CELF2: variants seen among roughly 807,000 people sequenced by gnomAD.
The protein encoded by CELF2 is CUG triplet repeat RNA-binding protein 2.
In CELF2, 8 loss-of-function variants were observed where a neutral mutation model predicts 62.6. The observed-to-expected ratio is 0.13, with a 90% CI of 0.07 to 0.23. The LOEUF (loss-of-function observed/expected upper bound fraction) is 0.23, where lower values mean the gene tolerates loss of function less well. CELF2 is among the 10% of genes least tolerant of loss of function. The pLI is 1.00. For synonymous variants in CELF2, 258 were observed against 250.0 expected, an observed-to-expected ratio of 1.03 and a Z score of -0.30; for missense variants, 333 against 671.0, an observed-to-expected ratio of 0.50 and a Z score of 5.56.
chr10:11,290,719 T>C lies in CELF2; in HGVS notation c.976+2167T>C, dbSNP rs2092397838. Among the ~76,000 whole-genome samples, 1 of 152,182 alleles carries C rather than the reference T, an allele frequency of 6.6e-6. No individual in the cohort carries two copies. Among genetic ancestry groups the C allele is most frequent in the Non-Finnish European group, 1.5e-5 (1 of 68,036 alleles). Reference sequence around the variant, plus strand: ...ACCAGCGCAGCGTCCTTGCCTTGACTGCTCTGTAAGAGGCTTCTTGCCCTT... The same window carrying C: ...ACCAGCGCAGCGTCCTTGCCTTGACCGCTCTGTAAGAGGCTTCTTGCCCTT... On this transcript the variant is annotated intron_variant, in intron 9 of 12. Coordinates refer to ENST00000633077, the MANE Select transcript of CELF2 (RefSeq NM_001326342.2). This position sits in a 1 kb window ranked among gnomAD's most constrained non-coding sequence, Gnocchi z 4.3.
rs1401611693 is a variant in CELF2, at chr10:10,972,761, T to C, written c.89+52762T>C. 6.6e-6 allele frequency among the ~76,000 whole-genome samples: 1 copy of C among 152,076 alleles called. No homozygotes were observed. Among genetic ancestry groups the C allele is most frequent in the African/African-American group, 2.4e-5 (1 of 41,404 alleles). On this transcript the variant is annotated intron_variant, in intron 2 of 13. Transcript: ENST00000636488. The surrounding 1 kb of genome is among the most constrained non-coding windows in gnomAD (Gnocchi z 4.4). ...ACAAGGTCACGTCCACTCACACCCT[T>C]CCTTTTTGATCTGTTCCTATTCTGA...
chr10:10,900,155 A>T (rs1399572493), intron 1 of CELF2, among the ~76,000 whole-genome samples: 1 of 152,254 alleles, frequency 6.6e-6, no homozygotes, highest in Non-Finnish European at 1.5e-5. Flanking sequence ...AATATTTAAA[A>T]AAAGAAATGA....
intron 2 of CELF2, among the ~76,000 whole-genome samples, chr10:11,188,124 A>C (rs1191526821): frequency 6.6e-6 from 1 of 152,048 alleles, no homozygotes; most frequent in African/African-American, 2.4e-5. Context: ...ATATTTTTTG[A>C]GACTGAGTTT....
intron 1 of CELF2, among the ~76,000 whole-genome samples, chr10:10,813,878 C>T (rs1231334160): frequency 6.6e-6 from 1 of 152,148 alleles, no homozygotes; most frequent in Non-Finnish European, 1.5e-5. Flanking sequence ...GACTGAACTA[C>T]AAGAAGCAGC....
chr10:10,750,923 T>A, the CELF2 span, among the ~76,000 whole-genome samples: 2 of 152,234 alleles, frequency 1.3e-5, no homozygotes, highest in Non-Finnish European at 2.9e-5. Context: ...TTATTCCAAC[T>A]TAGACACTAG....
At chr10:10,483,448 C>T in the CELF2 span, among the ~76,000 whole-genome samples, 12 of 152,162 alleles carry the variant, frequency 7.9e-5, no homozygotes, top group Non-Finnish European at 1.5e-4. Context: ...TATGTAAATA[C>T]ATGATTAGTC....
At chr10:10,925,010 G>C (rs1476395606) in intron 2 of CELF2, 1 of 152,152 alleles carries the variant, frequency 6.6e-6, no homozygotes, top group Non-Finnish European at 1.5e-5. Context: ...TACCTCTCCA[G>C]CTGACAATAT....
chr10:11,094,070 C>G (rs1026328751), intron 1 of CELF2, among the ~76,000 whole-genome samples: 3 of 152,168 alleles, frequency 2.0e-5, no homozygotes, highest in African/African-American at 7.2e-5. Flanking sequence ...TACTGGAAGC[C>G]ATTCCATTTT....
the CELF2 span, among the ~76,000 whole-genome samples, chr10:10,753,588 A>G: frequency 1.3e-5 from 2 of 152,168 alleles, no homozygotes; most frequent in South Asian, 4.1e-4. Context: ...CTACCATGTT[A>G]ATCAATTATA....
At chr10:10,917,291 C>G (rs976694538) in intron 1 of CELF2, among the ~76,000 whole-genome samples, 1 of 152,132 alleles carries the variant, frequency 6.6e-6, no homozygotes, top group Non-Finnish European at 1.5e-5. Flanking sequence ...GCTTTTGAAA[C>G]AGAGGTCAAT....
chr10:10,851,969 G>A (rs1275785083), intron 1 of CELF2, among the ~76,000 whole-genome samples: 2 of 152,212 alleles, frequency 1.3e-5, no homozygotes, highest in Admixed American at 6.5e-5. Flanking sequence ...CAAGTATGGG[G>A]AGGGACTGGA....
chr10:10,820,381 C>T (rs2056858181), intron 1 of CELF2, among the ~76,000 whole-genome samples: 1 of 152,200 alleles, frequency 6.6e-6, no homozygotes, highest in African/African-American at 2.4e-5. Context: ...CTCTTCTCAA[C>T]TTTGATCAAT....
In CELF2 at chr10:11,246,022, G is replaced by T. The variant is rs1347157844; in HGVS notation, c.355-3131G>T. 6.6e-6 allele frequency among the ~76,000 whole-genome samples: 1 copy of T among 152,162 alleles called. No individual in the cohort carries two copies. Among genetic ancestry groups the T allele is most frequent in the African/African-American group, 2.4e-5 (1 of 41,418 alleles). On this transcript the variant is annotated intron_variant, in intron 3 of 12. Transcript: ENST00000633077. This position sits in a 1 kb window ranked among gnomAD's most constrained non-coding sequence, Gnocchi z 4.6. ...TTCATACCTGTCAGCCGAGAGCACT[G>T]ACTGCGTGATTTCCAGGGTCCTTTA...
In CELF2 at chr10:11,246,132, T is replaced by C. The variant is rs1452579660; in HGVS notation, c.355-3021T>C. Among the ~76,000 whole-genome samples the C allele has an allele frequency of 6.6e-6, 1 of 152,144 alleles. No homozygotes were observed. The highest frequency in any genetic ancestry group is 1.5e-5 in the Non-Finnish European group (1 of 68,032). On this transcript the variant is annotated intron_variant, in intron 3 of 12. Transcript: ENST00000633077. This position sits in a 1 kb window ranked among gnomAD's most constrained non-coding sequence, Gnocchi z 4.6. ...CACGCATTTCACAGATGCATCTGAA[T>C]GCTCACAGTGCTCTATTTGTGCTCT...
chr10:11,161,705 G>A (rs1365336374), intron 1 of CELF2, among the ~76,000 whole-genome samples: 1 of 152,176 alleles, frequency 6.6e-6, no homozygotes, highest in Admixed American at 6.5e-5. Context: ...GCACTGTACT[G>A]GGTGTTGAGA....
intron 2 of CELF2, among the ~76,000 whole-genome samples, chr10:11,189,831 C>T (rs2075880918): frequency 6.6e-6 from 1 of 152,222 alleles, no homozygotes. Context: ...CCTTTAGTGG[C>T]ACACGTTGAC....
Position 10,907,556 on chromosome 10 carries a change from C to T in CELF2, c.54-12408C>T, listed in dbSNP as rs118086665. 7.2e-3 allele frequency among the ~76,000 whole-genome samples: 1,095 copies of T among 152,322 alleles called. 1 individual carries two copies. Among genetic ancestry groups the T allele is most frequent in the African/African-American group, 7.0e-3 (289 of 41,576 alleles). On this transcript the variant is annotated intron_variant, in intron 1 of 13. Coordinates refer to the CELF2 transcript ENST00000636488. ...TCCTGGCATGCAGACAGTGCACCCACACTCATGAGATGAGGTATCATTTTA... is the reference window on the plus strand; with the variant it reads ...TCCTGGCATGCAGACAGTGCACCCATACTCATGAGATGAGGTATCATTTTA...
intron 11 of CELF2, among the ~76,000 whole-genome samples, chr10:11,322,985 C>G (rs1188024173): frequency 6.6e-6 from 1 of 152,032 alleles, no homozygotes; most frequent in East Asian, 1.9e-4. Context: ...GGCCAGTTCC[C>G]CACATGGTGG....
intron 1 of CELF2, among the ~76,000 whole-genome samples, chr10:10,861,488 C>T (rs2060044450): frequency 6.6e-6 from 1 of 152,184 alleles, no homozygotes; most frequent in East Asian, 1.9e-4. Flanking sequence ...TTTAACAACA[C>T]ATTTTTCTCA....
Sources: allele counts gnomAD v4.1 joint callset (sites outside exome capture counted in the v4.1 genomes callset), GRCh38; gene constraint gnomAD v4.1.1; non-coding constraint Gnocchi (gnomAD v3.1); transcripts MANE v1.5; gene names NCBI Gene and HGNC (gene_info 2026-07-23, HGNC 2026-07-21).